ATG14: variants seen among roughly 807,000 people sequenced by gnomAD.
ATG14 encodes autophagy related 14, also known as beclin 1-associated autophagy-related key regulator.
In ATG14, 35 loss-of-function variants were observed where a neutral mutation model predicts 60.4. The observed-to-expected ratio is 0.58, with a 90% CI of 0.44 to 0.77. ATG14 has a LOEUF of 0.77. Ranked by LOEUF, ATG14 falls within the 30% of genes least tolerant of loss-of-function variation. The pLI, the probability that ATG14 is intolerant of heterozygous loss-of-function variation, is 0.00. For missense variants in ATG14, 647 were observed against 626.3 expected (o/e 1.03, Z -0.35); for synonymous variants, 234 against 228.8 (o/e 1.02, Z -0.21).
At chr14:55,390,776 G>A in intron 4 of ATG14, 135 bp downstream of exon 4, 1 of 640,106 alleles carries the variant, frequency 1.6e-6, no homozygotes, top group South Asian at 1.8e-5. Context: ...GGAAAGATGA[G>A]GGCGAGTAGT....
chr14:55,384,742 G>A (rs746596119), intron 5 of ATG14, among the ~76,000 whole-genome samples: 16 of 152,204 alleles, frequency 1.1e-4, no homozygotes, highest in Non-Finnish European at 1.9e-4. Context: ...CAGTTTCCAG[G>A]AAAAGGTGCT....
chr14:55,399,353 GT>G (rs1479989271), intron 1 of ATG14, among the ~76,000 whole-genome samples: 4 of 152,176 alleles, frequency 2.6e-5, no homozygotes, highest in Non-Finnish European at 5.9e-5. Context: ...TTACCGGATG[GT>G]GTACATACAG....
chr14:55,368,638 G>C lies in ATG14; in HGVS notation c.*981C>G, dbSNP rs1884739522. On this transcript the variant is annotated 3_prime_UTR_variant, in exon 10 of 10. Transcript: ENST00000247178. The stretch of plus-strand genomic sequence containing the variant: ...TCCTCAGAGCAACAAAGAGTTCGGG[G>C]AAACAAGTAGGATGGTTTCCCCTGA... The C allele has an allele frequency of 6.6e-6, 1 of 151,894 alleles. No homozygotes were observed. Among genetic ancestry groups the C allele is most frequent in the South Asian group, 2.1e-4 (1 of 4,832 alleles). The allele number at this position is 151,894 out of a possible 1,614,324, so 9.4% of individuals were successfully genotyped here. A position where few individuals can be genotyped will look rare whatever the true frequency, so the allele number is the denominator to read the frequency against.
intron 4 of ATG14, among the ~76,000 whole-genome samples, chr14:55,388,935 A>C (rs991667651): frequency 3.3e-5 from 5 of 152,180 alleles, no homozygotes; most frequent in Non-Finnish European, 7.3e-5. Context: ...AATACAGAGT[A>C]AGCACGTTGA....
chr14:55,395,802 G>T, intron 3 of ATG14, 138 bp downstream of exon 3: 1 of 486,948 alleles, frequency 2.1e-6, no homozygotes, highest in Non-Finnish European at 3.4e-6. Context: ...AAATATTTGA[G>T]AAAGCCACGC....
rs754562514 is a variant in ATG14, at chr14:55,369,941, G to A, written c.1173-16C>T. The A allele has an allele frequency of 1.3e-6, 2 of 1,578,076 alleles. No individual in the cohort carries two copies. The highest frequency in any genetic ancestry group is 1.7e-6 in the Non-Finnish European group (2 of 1,159,686). On this transcript the variant is annotated splice_polypyrimidine_tract_variant and intron_variant, in intron 9 of 9. Transcript: ENST00000247178. ...GGGCCCTGACCTGTGTGCAGACAAT[G>A]AGGGTCTCTTTAGGATAACAACCAT...
At chr14:55,410,693 T>C (rs968436460) in intron 1 of ATG14, among the ~76,000 whole-genome samples, 1 of 152,246 alleles carries the variant, frequency 6.6e-6, no homozygotes, top group East Asian at 1.9e-4. Context: ...ACTTAACTAT[T>C]TGTGTGACCT....
At chr14:55,382,677 T>C (rs936296623) in intron 5 of ATG14, among the ~76,000 whole-genome samples, 3 of 152,120 alleles carry the variant, frequency 2.0e-5, no homozygotes, top group African/African-American at 7.2e-5. Context: ...TATACGTAGA[T>C]AAGAGCTTGC....
At chr14:55,408,797 G>A (rs760998374) in intron 1 of ATG14, among the ~76,000 whole-genome samples, 3 of 152,080 alleles carry the variant, frequency 2.0e-5, no homozygotes, top group Admixed American at 6.5e-5. Context: ...AATAAATCAC[G>A]TACCAAGTGG....
At chr14:55,385,317 G>C (rs1429547695) in intron 5 of ATG14, among the ~76,000 whole-genome samples, 1 of 152,132 alleles carries the variant, frequency 6.6e-6, no homozygotes, top group Non-Finnish European at 1.5e-5. Flanking sequence ...CTTTGAGACA[G>C]AGTCTCGCTC....
intron 4 of ATG14, among the ~76,000 whole-genome samples, chr14:55,387,680 T>G (rs74053904): frequency 0.1 from 15,196 of 152,116 alleles, 2,099 homozygotes; most frequent in African/African-American, 0.31. Flanking sequence ...GACAGTTTTT[T>G]CGTTTTGAGA....
chr14:55,387,994 AGGTGT>A (rs1765402153), intron 4 of ATG14, among the ~76,000 whole-genome samples: 1 of 151,880 alleles, frequency 6.6e-6, no homozygotes, highest in Non-Finnish European at 1.5e-5. Flanking sequence ...ACAATCAGCC[AGGTGT>A]GGTGATGGGT....
intron 9 of ATG14, among the ~76,000 whole-genome samples, chr14:55,372,540 T>TCCTTCTTTCCCTTTCTCCCTCCCTC (rs1021357372): frequency 6.6e-6 from 1 of 151,528 alleles, no homozygotes; most frequent in African/African-American, 2.4e-5. Context: ...ACTCCTCCCT[T>TCCTTCTTTCCCTTTCTCCCTCCCTC]CCTTCTTTCC....
rs1366957658 is a variant in ATG14 at position 55,404,051 on chromosome 14, C to A, written c.222-6617G>T. Among the ~76,000 whole-genome samples the A allele has an allele frequency of 5.3e-5, 8 of 152,222 alleles. No individual in the cohort carries two copies. In the South Asian group the frequency reaches 1.4e-3, roughly 28 times the overall value. On this transcript the variant is annotated intron_variant, in intron 1 of 9. Coordinates refer to ENST00000247178, the MANE Select transcript of ATG14 (RefSeq NM_014924.5). ...GTTATTCTTTACCAAGGAGGAGACC[C>A]ATGGAACTGACCTTCTGGGAGCCTG...
At chr14:55,378,298 A>C (rs1884959482) in intron 7 of ATG14, among the ~76,000 whole-genome samples, 1 of 152,248 alleles carries the variant, frequency 6.6e-6, no homozygotes, top group Non-Finnish European at 1.5e-5. Flanking sequence ...AAGCAATTCC[A>C]CGTCAGGACA....
At chr14:55,387,998 G>A (rs1387176240) in intron 4 of ATG14, among the ~76,000 whole-genome samples, 1 of 152,088 alleles carries the variant, frequency 6.6e-6, no homozygotes, top group Non-Finnish European at 1.5e-5. Context: ...TCAGCCAGGT[G>A]TGGTGATGGG....
Position 55,379,685 on chromosome 14 carries a change from A to C in ATG14, c.995+888T>G, listed in dbSNP as rs137869507. Among the ~76,000 whole-genome samples, 1,273 of 152,356 alleles carry C rather than the reference A, an allele frequency of 8.4e-3. 8 individuals carry two copies. Among genetic ancestry groups the C allele is most frequent in the Middle Eastern group, 0.02 (6 of 294 alleles). On this transcript the variant is annotated intron_variant, in intron 7 of 9. Coordinates refer to ENST00000247178, the MANE Select transcript of ATG14 (RefSeq NM_014924.5). ...AGTTGGAGGGTAGTAGGAAGATTGTAGTGCAAACTGGGTAGGCTGTATATC... is the reference window on the plus strand; with the variant it reads ...AGTTGGAGGGTAGTAGGAAGATTGTCGTGCAAACTGGGTAGGCTGTATATC...
At chr14:55,381,654 C>G (rs1010366817) in intron 6 of ATG14, among the ~76,000 whole-genome samples, 1 of 152,186 alleles carries the variant, frequency 6.6e-6, no homozygotes, top group African/African-American at 2.4e-5. Context: ...ACACAAAAAG[C>G]TATATGTTCT....
intron 9 of ATG14, among the ~76,000 whole-genome samples, chr14:55,373,149 T>C (rs140909694): frequency 6.6e-6 from 1 of 152,346 alleles, no homozygotes; most frequent in East Asian, 1.9e-4. Flanking sequence ...TTTTGCTTAA[T>C]GTCTTTGGGG....
Sources: allele counts gnomAD v4.1 joint callset (sites outside exome capture counted in the v4.1 genomes callset), GRCh38; gene constraint gnomAD v4.1.1; transcripts MANE v1.5; gene names NCBI Gene and HGNC (gene_info 2026-07-23, HGNC 2026-07-21).